The following OXSR1 variants were observed in gnomAD, a reference collection of about 807,000 sequenced individuals.
OXSR1 encodes serine/threonine-protein kinase OSR1.
Under a neutral mutation model 79.8 loss-of-function variants are expected in OXSR1, and 24 were observed. The observed-to-expected ratio is 0.30, with a 90% CI of 0.22 to 0.42. The LOEUF (loss-of-function observed/expected upper bound fraction) is 0.42, where lower values mean the gene tolerates loss of function less well. Ranked by LOEUF, OXSR1 falls within the 10% of genes least tolerant of loss-of-function variation. The pLI is 1.00. For synonymous variants in OXSR1, 226 were observed against 209.2 expected, an observed-to-expected ratio of 1.08 and a Z score of -0.69; for missense variants, 430 against 618.4, an observed-to-expected ratio of 0.70 and a Z score of 3.23.
At chr3:38,214,139 T>C (rs1445094759) in intron 4 of OXSR1, among the ~76,000 whole-genome samples, 1 of 151,748 alleles carries the variant, frequency 6.6e-6, no homozygotes, top group Non-Finnish European at 1.5e-5. Context: ...CAGTGTGTGG[T>C]TGGCATTTTT....
Position 38,233,167 on chromosome 3 carries a change from G to A in OXSR1, c.951+2737G>A, listed in dbSNP as rs1282787408. Among the ~76,000 whole-genome samples, 4 of 152,334 alleles carry A rather than the reference G, an allele frequency of 2.6e-5. No homozygotes were observed. In the East Asian group the frequency reaches 7.7e-4, roughly 29 times the overall value. On this transcript the variant is annotated intron_variant, in intron 10 of 17. Coordinates refer to ENST00000311806, the MANE Select transcript of OXSR1 (RefSeq NM_005109.3). ...TCTGAACTGAAGGACACCAGGCACA[G>A]TTAAACATGGGAATAACTTACTGAA...
chr3:38,190,984 C>T, intron 3 of OXSR1, 145 bp downstream of exon 3: 1 of 643,570 alleles, frequency 1.6e-6, no homozygotes, highest in East Asian at 2.8e-5. Context: ...AGATGCTAAT[C>T]TATGAGCCAA....
intron 10 of OXSR1, among the ~76,000 whole-genome samples, chr3:38,231,185 A>G (rs1575359729): frequency 6.6e-6 from 1 of 152,350 alleles, no homozygotes; most frequent in East Asian, 1.9e-4. Context: ...CAAGAATTTA[A>G]CACAATGAAG....
chr3:38,190,906 T>C, intron 3 of OXSR1, 67 bp downstream of exon 3: 2 of 861,142 alleles, frequency 2.3e-6, no homozygotes, highest in South Asian at 1.5e-5. Context: ...TTTCCTTCTT[T>C]TCTATCCTGA....
intron 5 of OXSR1, among the ~76,000 whole-genome samples, chr3:38,218,889 G>T (rs1040107025): frequency 6.6e-6 from 1 of 152,052 alleles, no homozygotes; most frequent in Non-Finnish European, 1.5e-5. Flanking sequence ...GTTGCACAAA[G>T]GGGGGGACCT....
At chr3:38,193,298 C>T (rs1349996369) in intron 3 of OXSR1, 16 of 1,289,584 alleles carry the variant, frequency 1.2e-5, no homozygotes, top group African/African-American at 4.6e-5. Context: ...ACTGGAGAAA[C>T]TGGATTGCTT....
intron 5 of OXSR1, among the ~76,000 whole-genome samples, chr3:38,219,544 A>G (rs1702547201): frequency 6.6e-6 from 1 of 152,178 alleles, no homozygotes; most frequent in African/African-American, 2.4e-5. Flanking sequence ...ATCCTTAACA[A>G]CGACCTTGTT....
chr3:38,238,226 C>CA (rs1324819982), intron 11 of OXSR1, among the ~76,000 whole-genome samples: 1 of 152,026 alleles, frequency 6.6e-6, no homozygotes, highest in East Asian at 1.9e-4. Flanking sequence ...TTTTTGAGAC[C>CA]ATGAATTCTT....
At chr3:38,236,582 G>A (rs1702922574) in intron 10 of OXSR1, 1 of 249,178 alleles carries the variant, frequency 4.0e-6, no homozygotes, top group Admixed American at 5.6e-5. Flanking sequence ...GATTTTACCT[G>A]TGATTTTACA....
rs116130168 is a variant in OXSR1, at chr3:38,172,694, G to A, written c.70+6748G>A. Among the ~76,000 whole-genome samples, 54 of 152,220 alleles carry A rather than the reference G, an allele frequency of 3.5e-4. 2 individuals carry two copies. In the South Asian group the frequency reaches 0.011, roughly 32 times the overall value. ...TTTCAATAGAGTGGTGCTTAATAGT[G>A]TATTTTTCCATTGATTGGGAGACTC... On this transcript the variant is annotated intron_variant, in intron 1 of 17. Coordinates refer to ENST00000311806, the MANE Select transcript of OXSR1 (RefSeq NM_005109.3).
chr3:38,221,846 A>G (rs1702597083), intron 6 of OXSR1, among the ~76,000 whole-genome samples, 159 bp downstream of exon 6: 1 of 152,240 alleles, frequency 6.6e-6, no homozygotes, highest in Non-Finnish European at 1.5e-5. Flanking sequence ...AAAGAAAACA[A>G]CAAAAACTCT....
At chr3:38,223,938 C>T in intron 7 of OXSR1, 25 bp downstream of exon 7, 1 of 1,403,146 alleles carries the variant, frequency 7.1e-7, no homozygotes, top group Non-Finnish European at 9.9e-7. Context: ...CCAAATACTA[C>T]CCCAGCTCAA....
intron 11 of OXSR1, among the ~76,000 whole-genome samples, chr3:38,238,726 C>A (rs893153226): frequency 6.6e-6 from 1 of 151,822 alleles, no homozygotes; most frequent in African/African-American, 2.4e-5. Context: ...TCCCTGGCTG[C>A]TTTTAAGATT....
At chr3:38,232,696 G>A in intron 10 of OXSR1, among the ~76,000 whole-genome samples, 1 of 152,250 alleles carries the variant, frequency 6.6e-6, no homozygotes, top group East Asian at 1.9e-4. Flanking sequence ...CAGGGCAGAG[G>A]TTGTAGTGAG....
At chr3:38,186,091 T>C (rs1477279972) in intron 2 of OXSR1, among the ~76,000 whole-genome samples, 1 of 151,552 alleles carries the variant, frequency 6.6e-6, no homozygotes, top group Non-Finnish European at 1.5e-5. Context: ...CAGGCATAGA[T>C]AGCAAGTCTG....
chr3:38,240,712 A>C (rs1186045264), intron 11 of OXSR1, among the ~76,000 whole-genome samples: 16 of 152,108 alleles, frequency 1.1e-4, no homozygotes, highest in South Asian at 2.1e-4. Context: ...AAAAAAAAAA[A>C]AACAACTCAT....
At chr3:38,244,021 C>T (rs1013634223) in intron 12 of OXSR1, among the ~76,000 whole-genome samples, 66 of 152,292 alleles carry the variant, frequency 4.3e-4, no homozygotes, top group African/African-American at 1.4e-3. Context: ...CCCCCGCTGG[C>T]GAGAGATAGA....
intron 12 of OXSR1, among the ~76,000 whole-genome samples, chr3:38,243,493 T>C (rs1575372850): frequency 6.6e-6 from 1 of 152,184 alleles, no homozygotes; most frequent in Admixed American, 6.5e-5. Flanking sequence ...CAGATTCTTA[T>C]TGGGCTGGTT....
chr3:38,251,515 T>C (rs1703256415), intron 16 of OXSR1, 44 bp downstream of exon 16: 3 of 1,454,060 alleles, frequency 2.1e-6, no homozygotes. Context: ...TGTCTCTGTC[T>C]GTATACTTAG....
Sources: gnomAD v4.1 joint callset for allele counts (sites outside exome capture counted in the v4.1 genomes callset) on GRCh38, gnomAD v4.1.1 for gene constraint, MANE v1.5 for transcripts, NCBI Gene and HGNC (gene_info 2026-07-23, HGNC 2026-07-21) for gene names.